The following LARGE1 variants were observed in gnomAD, a reference collection of about 807,000 sequenced individuals.
LARGE1 encodes xylosyl- and glucuronyltransferase LARGE1.
Under a neutral mutation model 87.6 loss-of-function variants are expected in LARGE1, and 43 were observed. The ratio of observed to expected loss-of-function variants is 0.49; its 90% CI spans 0.38 to 0.63. The LOEUF (loss-of-function observed/expected upper bound fraction) is 0.63, where lower values mean the gene tolerates loss of function less well. Among genes scored for constraint, LARGE1 ranks in the 30% least tolerant of loss-of-function variants. LARGE1 has a pLI of 0.00. For missense variants in LARGE1, 802 were observed against 1,000.2 expected, an observed-to-expected ratio of 0.80 and a Z score of 2.67; for synonymous variants, 434 against 394.6, an observed-to-expected ratio of 1.10 and a Z score of -1.18.
Position 33,346,294 on chromosome 22 carries a change from CCTT to C in LARGE1, c.1132-8496_1132-8494del, listed in dbSNP as rs774697602. On this transcript the variant is annotated intron_variant, in intron 9 of 14. Coordinates refer to ENST00000397394, the MANE Select transcript of LARGE1 (RefSeq NM_133642.5). ...CTCTTTCTTTCCTCCTCCTCCTCCT[CCTT>C]CTTCTTTTTCTTTTTTTTTTCTGAG... 9.6e-3 allele frequency among the ~76,000 whole-genome samples: 1,306 copies of C among 136,470 alleles called. 7 individuals carry two copies. The highest frequency in any genetic ancestry group is 0.013 in the Admixed American group (168 of 13,046). The allele number at this position is 136,470 out of a possible 152,430, so 89.5% of individuals were successfully genotyped here.
chr22:33,074,107 C>T, the LARGE1 span, among the ~76,000 whole-genome samples: 1 of 152,132 alleles, frequency 6.6e-6, no homozygotes, highest in African/African-American at 2.4e-5. Context: ...CTGGGTGAAT[C>T]AGCTGAGATG....
chr22:33,844,807 G>A (rs1002158027), intron 1 of LARGE1, among the ~76,000 whole-genome samples: 10 of 149,658 alleles, frequency 6.7e-5, no homozygotes, highest in Non-Finnish European at 1.2e-4. Context: ...TGCAACCTCC[G>A]CCTCCCGGGC....
At chr22:33,696,505 C>T (rs1551520) in intron 2 of LARGE1, among the ~76,000 whole-genome samples, 67,408 of 151,704 alleles carry the variant, frequency 0.44, 15,120 homozygotes, top group Middle Eastern at 0.53. Context: ...TCAATCAATC[C>T]GCCCGCCTTG....
chr22:33,871,878 A>C (rs2064294721), intron 1 of LARGE1, among the ~76,000 whole-genome samples: 1 of 151,744 alleles, frequency 6.6e-6, no homozygotes, highest in Non-Finnish European at 1.5e-5. Context: ...ATTTAAGGTC[A>C]GAGGCTTGAA....
At chr22:33,184,121 T>C (rs1438144008) in intron 11 of LARGE1, among the ~76,000 whole-genome samples, 1 of 145,466 alleles carries the variant, frequency 6.9e-6, no homozygotes, top group Non-Finnish European at 1.5e-5. Context: ...TTATGCTATA[T>C]ACCTTGAAAA....
intron 6 of LARGE1, among the ~76,000 whole-genome samples, chr22:33,558,679 AAAGAAAGAC>A (rs1427745402): frequency 6.6e-6 from 1 of 152,228 alleles, no homozygotes; most frequent in African/African-American, 2.4e-5. Context: ...GCAAGGTAAC[AAAGAAAGAC>A]AAGACCTGAA....
chr22:33,581,621 G>A (rs922474238), intron 5 of LARGE1, among the ~76,000 whole-genome samples: 1 of 152,012 alleles, frequency 6.6e-6, no homozygotes, highest in Non-Finnish European at 1.5e-5. Context: ...AGACCAGCCT[G>A]ACCAACATGG....
At chr22:33,654,025 G>A (rs1285550788) in intron 2 of LARGE1, among the ~76,000 whole-genome samples, 1 of 152,150 alleles carries the variant, frequency 6.6e-6, no homozygotes, top group African/African-American at 2.4e-5. Context: ...TTGTCTGATT[G>A]TGGGCTTAAG....
chr22:33,385,037 C>T (rs1397578246), intron 7 of LARGE1, among the ~76,000 whole-genome samples: 1 of 148,638 alleles, frequency 6.7e-6, no homozygotes, highest in African/African-American at 2.4e-5. Context: ...TTCCTGATTT[C>T]AAGAGGGTCT....
chr22:33,069,468 C>G, the LARGE1 span, among the ~76,000 whole-genome samples: 2 of 152,262 alleles, frequency 1.3e-5, no homozygotes, highest in East Asian at 3.9e-4. Flanking sequence ...GACTCTGAAA[C>G]TGGGCTGCCT....
intron 11 of LARGE1, among the ~76,000 whole-genome samples, chr22:33,220,455 G>A (rs1228676793): frequency 6.6e-6 from 1 of 152,206 alleles, no homozygotes; most frequent in East Asian, 1.9e-4. Context: ...ATACGAGGGG[G>A]AAAGAGCAGA....
intron 7 of LARGE1, among the ~76,000 whole-genome samples, chr22:33,408,236 C>T (rs984743443): frequency 2.0e-5 from 3 of 151,984 alleles, no homozygotes; most frequent in Non-Finnish European, 4.4e-5. Context: ...CTACCCGCCT[C>T]GGCCCCCAAA....
At chr22:33,679,461 C>T (rs925757277) in intron 2 of LARGE1, among the ~76,000 whole-genome samples, 1 of 150,364 alleles carries the variant, frequency 6.7e-6, no homozygotes, top group South Asian at 2.1e-4. Flanking sequence ...GGGACAGACA[C>T]ACACACGCAC....
At chr22:33,469,173 A>G (rs2148084226) in intron 6 of LARGE1, among the ~76,000 whole-genome samples, 1 of 152,328 alleles carries the variant, frequency 6.6e-6, no homozygotes, top group South Asian at 2.1e-4. Flanking sequence ...CAGCAATCTC[A>G]TTATTGGGTA....
chr22:33,768,547 A>G (rs1043023674), intron 1 of LARGE1, among the ~76,000 whole-genome samples: 2 of 152,022 alleles, frequency 1.3e-5, no homozygotes, highest in African/African-American at 4.8e-5. Flanking sequence ...CACTGCTTCT[A>G]TAGGACTTCT....
chr22:33,460,081 C>T (rs1253272378), intron 6 of LARGE1, among the ~76,000 whole-genome samples: 1 of 152,212 alleles, frequency 6.6e-6, no homozygotes, highest in East Asian at 1.9e-4. Context: ...TGGCATGGCG[C>T]TAAGGGGCTT....
intron 3 of LARGE1, among the ~76,000 whole-genome samples, chr22:33,635,568 A>G (rs1451765292): frequency 6.6e-6 from 1 of 152,100 alleles, no homozygotes; most frequent in Non-Finnish European, 1.5e-5. Context: ...GAATTTCTAT[A>G]CAGCATTTTC....
intron 2 of LARGE1, among the ~76,000 whole-genome samples, chr22:33,673,101 C>T (rs898571924): frequency 2.6e-5 from 4 of 152,090 alleles, no homozygotes; most frequent in East Asian, 3.9e-4. Context: ...GGTGAAACCC[C>T]GTCTCTACTA....
chr22:33,502,155 C>T lies in LARGE1; in HGVS notation c.787+62693G>A, dbSNP rs368240801. On this transcript the variant is annotated intron_variant, in intron 6 of 14. Coordinates refer to ENST00000397394, the MANE Select transcript of LARGE1 (RefSeq NM_133642.5). Reference sequence around the variant, plus strand: ...AGGCTGCAGTGAGCCGAGATTGCACCACTGCACTCCAGCCTGGATGGCAGA... The same window carrying T: ...AGGCTGCAGTGAGCCGAGATTGCACTACTGCACTCCAGCCTGGATGGCAGA... Among the ~76,000 whole-genome samples the T allele has an allele frequency of 7.3e-5, 11 of 151,410 alleles. No homozygotes were observed. The East Asian group carries it at 9.8e-4, about 14-fold the overall frequency.
Sources: gnomAD v4.1 joint callset for allele counts (sites outside exome capture counted in the v4.1 genomes callset) on GRCh38, gnomAD v4.1.1 for gene constraint, MANE v1.5 for transcripts, NCBI Gene and HGNC (gene_info 2026-07-23, HGNC 2026-07-21) for gene names.